Variants in PPP2R2C observed in about 807,000 individuals in gnomAD.
PPP2R2C encodes the protein protein phosphatase 2 regulatory subunit Bgamma, also known as protein phosphatase 2, regulatory subunit B, gamma.
PPP2R2C carries 10 observed loss-of-function variants against 45.3 expected under a neutral mutation model. That is an observed-to-expected ratio of 0.22 (90% CI 0.14 to 0.37). The LOEUF (loss-of-function observed/expected upper bound fraction) is 0.37, where lower values mean the gene tolerates loss of function less well. PPP2R2C is among the 10% of genes least tolerant of loss of function. The pLI is 1.00. For missense variants in PPP2R2C, 308 were observed against 619.7 expected, an observed-to-expected ratio of 0.50 and a Z score of 5.34; for synonymous variants, 257 against 245.4, an observed-to-expected ratio of 1.05 and a Z score of -0.44.
intron 1 of PPP2R2C, among the ~76,000 whole-genome samples, chr4:6,424,552 CA>C (rs1255551775): frequency 6.6e-6 from 1 of 152,186 alleles, no homozygotes; most frequent in African/African-American, 2.4e-5. Context: ...TGTGGATACA[CA>C]GGGAGGCCGG....
At chr4:6,398,506 TAAC>T (rs1450789203) in intron 1 of PPP2R2C, among the ~76,000 whole-genome samples, 1 of 152,050 alleles carries the variant, frequency 6.6e-6, no homozygotes, top group Non-Finnish European at 1.5e-5. Flanking sequence ...GCAAGGGGCT[TAAC>T]ATCATCAGTC....
chr4:6,438,150 G>A (rs553539375), intron 1 of PPP2R2C, among the ~76,000 whole-genome samples: 5 of 152,298 alleles, frequency 3.3e-5, no homozygotes, highest in African/African-American at 9.6e-5. Flanking sequence ...GCAGTATCTG[G>A]TCTGCATTTA....
chr4:6,548,079 A>G (rs138180529), intron 1 of PPP2R2C, among the ~76,000 whole-genome samples: 4,395 of 152,150 alleles, frequency 0.029, 215 homozygotes, highest in African/African-American at 0.1. Context: ...TTAACCAGGC[A>G]TGGTGGTGGG....
chr4:6,510,928 G>A (rs1275823335), intron 2 of PPP2R2C, among the ~76,000 whole-genome samples: 1 of 138,530 alleles, frequency 7.2e-6, no homozygotes, highest in East Asian at 2.3e-4. Context: ...AGTGAGCCAA[G>A]ATCACACCAC....
In PPP2R2C at chr4:6,563,046, C is replaced by A. The variant is rs1274573703; in HGVS notation, c.-59+514G>T. 6.6e-6 allele frequency among the ~76,000 whole-genome samples: 1 copy of A among 152,020 alleles called. No homozygotes were observed. The highest frequency in any genetic ancestry group is 1.9e-4 in the East Asian group (1 of 5,168). On this transcript the variant is annotated intron_variant, in intron 1 of 9. Coordinates refer to the PPP2R2C transcript ENST00000506140. This position sits in a 1 kb window ranked among gnomAD's most constrained non-coding sequence, Gnocchi z 5.8. Reference sequence around the variant, plus strand: ...CCACCGGCGCGGGCAGCGGGAGGAGCGCGTAGACGCTGCTGGATGGTACCC... The same window carrying A: ...CCACCGGCGCGGGCAGCGGGAGGAGAGCGTAGACGCTGCTGGATGGTACCC...
chr4:6,470,496 G>C (rs1200146437), intron 1 of PPP2R2C, among the ~76,000 whole-genome samples: 1 of 152,164 alleles, frequency 6.6e-6, no homozygotes, highest in African/African-American at 2.4e-5. Context: ...CCATCCCACC[G>C]TCATCCCCAA....
rs1560448471 is a variant in PPP2R2C at position 6,332,992 on chromosome 4, T to C, written c.960+570A>G. ...TTTTATTTTAACATCACATGAGTTT[T>C]GTTGTCTACCCCCTAACATATCTGA... On this transcript the variant is annotated intron_variant, in intron 7 of 8. Transcript: ENST00000382599. The surrounding 1 kb of genome is among the most constrained non-coding windows in gnomAD (Gnocchi z 4.9). Among the ~76,000 whole-genome samples the C allele has an allele frequency of 2.0e-5, 3 of 152,322 alleles. No individual in the cohort carries two copies. Among genetic ancestry groups the C allele is most frequent in the Non-Finnish European group, 4.4e-5 (3 of 68,038 alleles).
At position 6,330,701 on chromosome 4, in the gene PPP2R2C, G is replaced by A. The variant is rs1732342497; in HGVS notation, c.961-1348C>T. Among the ~76,000 whole-genome samples, 1 of 152,126 alleles carries A rather than the reference G, an allele frequency of 6.6e-6. No homozygotes were observed. On this transcript the variant is annotated intron_variant, in intron 7 of 8. Transcript: ENST00000382599. This position sits in a 1 kb window ranked among gnomAD's most constrained non-coding sequence, Gnocchi z 7.0. ...CTTTCTCAGTCTCTATCCCCATCCT[G>A]TTGGTTCTGTTTCTCTGAGCCATCT...
chr4:6,351,089 G>A (rs898784301), intron 5 of PPP2R2C: 17 of 906,904 alleles, frequency 1.9e-5, no homozygotes, highest in African/African-American at 9.0e-5. Flanking sequence ...CAGGTCACCT[G>A]AGCTCAGGAG....
intron 1 of PPP2R2C, among the ~76,000 whole-genome samples, chr4:6,562,860 A>G (rs1725623066): frequency 6.6e-6 from 1 of 151,410 alleles, no homozygotes; most frequent in Admixed American, 6.6e-5. Context: ...CTCCGCATAA[A>G]AGCCAACCCG....
chr4:6,421,628 G>A (rs1177768427), intron 1 of PPP2R2C, among the ~76,000 whole-genome samples: 2 of 152,108 alleles, frequency 1.3e-5, no homozygotes, highest in Admixed American at 6.6e-5. Flanking sequence ...CGATAAACCA[G>A]CGAGGTGACT....
At chr4:6,426,475 G>C (rs1719339360) in intron 1 of PPP2R2C, among the ~76,000 whole-genome samples, 1 of 152,214 alleles carries the variant, frequency 6.6e-6, no homozygotes, top group South Asian at 2.1e-4. Context: ...GACCAGGAGA[G>C]ACAGAGCCCC....
At chr4:6,356,624 T>C (rs1376108295) in intron 5 of PPP2R2C, among the ~76,000 whole-genome samples, 1 of 152,212 alleles carries the variant, frequency 6.6e-6, no homozygotes, top group East Asian at 1.9e-4. Context: ...CAGATGAGGA[T>C]GGGGTAAGGT....
intron 5 of PPP2R2C, among the ~76,000 whole-genome samples, 175 bp from the exon 6 acceptor site, chr4:6,348,185 A>AATGC (rs1712183454): frequency 6.6e-6 from 1 of 151,650 alleles, no homozygotes; most frequent in African/African-American, 2.4e-5. Context: ...TGCATGGTGA[A>AATGC]CTGCCTGCTG....
chr4:6,351,464 G>A, intron 5 of PPP2R2C: 1 of 592,890 alleles, frequency 1.7e-6, no homozygotes, highest in Non-Finnish European at 2.1e-6. Flanking sequence ...GTATAGGCTG[G>A]GGACACAGAG....
At chr4:6,414,605 C>T (rs28527220) in intron 1 of PPP2R2C, among the ~76,000 whole-genome samples, 61,027 of 151,352 alleles carry the variant, frequency 0.4, 12,968 homozygotes, top group Non-Finnish European at 0.48. Context: ...AAGAGCCCTA[C>T]GAGATGGGCA....
At chr4:6,526,321 T>C (rs1004280383) in intron 2 of PPP2R2C, among the ~76,000 whole-genome samples, 4 of 152,254 alleles carry the variant, frequency 2.6e-5, no homozygotes, top group Non-Finnish European at 2.9e-5. Flanking sequence ...CCAGAGGCTA[T>C]GCTTCCCAGC....
chr4:6,556,840 G>A (rs1261773315), intron 1 of PPP2R2C, among the ~76,000 whole-genome samples: 1 of 152,098 alleles, frequency 6.6e-6, no homozygotes, highest in African/African-American at 2.4e-5. Flanking sequence ...ATCACAGAAG[G>A]ATGCAGCCAC....
chr4:6,546,918 G>A (rs73796249), intron 1 of PPP2R2C, among the ~76,000 whole-genome samples: 115 of 152,272 alleles, frequency 7.6e-4, no homozygotes, highest in African/African-American at 2.7e-3. Flanking sequence ...GGGGAGAAAA[G>A]GAAAGAGGGG....
Sources: allele counts gnomAD v4.1 joint callset (sites outside exome capture counted in the v4.1 genomes callset), GRCh38; gene constraint gnomAD v4.1.1; non-coding constraint Gnocchi (gnomAD v3.1); transcripts MANE v1.5; gene names NCBI Gene and HGNC (gene_info 2026-07-23, HGNC 2026-07-21).